Variants in SELENOF observed in about 807,000 individuals in gnomAD.
The protein encoded by SELENOF is selenoprotein F.
Under a neutral mutation model 20.5 loss-of-function variants are expected in SELENOF, and 16 were observed. That is an observed-to-expected ratio of 0.78 (90% CI 0.53 to 1.19). The LOEUF is 1.19. SELENOF is among the 50% of genes most tolerant of loss of function. The pLI is 0.00. For missense variants in SELENOF, 215 were observed against 194.2 expected (o/e 1.11, Z -0.64); for synonymous variants, 78 against 74.5 (o/e 1.05, Z -0.24).
rs201235591 is a variant in SELENOF, at chr1:86,869,662, CTAAT to C, written c.317-1564_317-1561del. 3.8e-3 allele frequency among the ~76,000 whole-genome samples: 584 copies of C among 152,258 alleles called. 4 individuals are homozygous for C. The highest frequency in any genetic ancestry group is 0.02 in the Middle Eastern group (6 of 294). ...TACCAATTTTCAATAATGATCATGC[CTAAT>C]TAATTCAAATTAAAAGGTGTGTAAT... On this transcript the variant is annotated intron_variant, in intron 3 of 4. Coordinates refer to ENST00000331835, the MANE Select transcript of SELENOF (RefSeq NM_004261.5).
At chr1:86,877,073 A>T (rs962276086) in intron 3 of SELENOF, among the ~76,000 whole-genome samples, 1 of 152,246 alleles carries the variant, frequency 6.6e-6, no homozygotes, top group Non-Finnish European at 1.5e-5. Flanking sequence ...GAGCAAATAT[A>T]AGATACAATA....
intron 3 of SELENOF, among the ~76,000 whole-genome samples, chr1:86,879,883 C>G (rs143645314): frequency 2.6e-4 from 39 of 152,262 alleles, no homozygotes; most frequent in African/African-American, 8.9e-4. Context: ...ATACATATGA[C>G]TTTCTCTCTT....
intron 2 of SELENOF, among the ~76,000 whole-genome samples, chr1:86,899,942 C>A (rs1451614939): frequency 6.6e-6 from 1 of 151,754 alleles, no homozygotes; most frequent in Admixed American, 6.6e-5. Flanking sequence ...CTCCTCACAT[C>A]CCACACGGGG....
intron 2 of SELENOF, among the ~76,000 whole-genome samples, chr1:86,901,348 C>T (rs1219308128): frequency 1.3e-5 from 2 of 151,324 alleles, no homozygotes; most frequent in Non-Finnish European, 2.9e-5. Context: ...GAGGATTGCC[C>T]AACATACCAT....
At chr1:86,865,782 A>C (rs928920486) in intron 4 of SELENOF, among the ~76,000 whole-genome samples, 1 of 152,212 alleles carries the variant, frequency 6.6e-6, no homozygotes, top group African/African-American at 2.4e-5. Flanking sequence ...ATATAGACTC[A>C]AAAGAACTAA....
chr1:86,897,381 T>C (rs1659552434), intron 2 of SELENOF, among the ~76,000 whole-genome samples: 1 of 152,272 alleles, frequency 6.6e-6, no homozygotes, highest in South Asian at 2.1e-4. Flanking sequence ...TAAATCAAAG[T>C]ATCCCTAAGT....
At chr1:86,894,310 C>T (rs1010289560) in intron 2 of SELENOF, among the ~76,000 whole-genome samples, 22 of 151,172 alleles carry the variant, frequency 1.5e-4, no homozygotes, top group Admixed American at 9.2e-4. Context: ...GAAATAATTG[C>T]GATTTGTTTG....
At chr1:86,888,066 G>A (rs1180029606) in intron 2 of SELENOF, among the ~76,000 whole-genome samples, 1 of 152,100 alleles carries the variant, frequency 6.6e-6, no homozygotes, top group East Asian at 1.9e-4. Context: ...TTCCAGACCA[G>A]CCTGGCCAAC....
chr1:86,908,236 A>G (rs954464484), intron 1 of SELENOF, among the ~76,000 whole-genome samples: 2 of 152,198 alleles, frequency 1.3e-5, no homozygotes, highest in Non-Finnish European at 2.9e-5. Context: ...GAGGTTTCTC[A>G]TGTAATTCTG....
At chr1:86,880,299 C>A (rs1176524571) in intron 3 of SELENOF, among the ~76,000 whole-genome samples, 1 of 152,078 alleles carries the variant, frequency 6.6e-6, no homozygotes, top group South Asian at 2.1e-4. Context: ...CCGCGCCCAG[C>A]TAATTTTTGT....
chr1:86,884,346 T>TACACACACAC (rs142756978), intron 2 of SELENOF, among the ~76,000 whole-genome samples: 2 of 145,442 alleles, frequency 1.4e-5, no homozygotes, highest in African/African-American at 2.5e-5. Flanking sequence ...CGCACATACA[T>TACACACACAC]ACACACACAC....
At chr1:86,883,477 C>CTAGTGTATAGTGTATGTACACTAAA (rs1659132045) in intron 2 of SELENOF, among the ~76,000 whole-genome samples, 3 of 151,284 alleles carry the variant, frequency 2.0e-5, no homozygotes, top group Non-Finnish European at 2.9e-5. Context: ...TGTATGTACA[C>CTAGTGTATAGTGTATGTACACTAAA]TAGTGTATAG....
rs888381483 is a variant in SELENOF at position 86,862,886 on chromosome 1, G to C, written c.*588C>G. 1 of 152,590 alleles carries C rather than the reference G, an allele frequency of 6.6e-6. No homozygotes were observed. Among genetic ancestry groups the C allele is most frequent in the Non-Finnish European group, 1.5e-5 (1 of 68,032 alleles). 9.5% of individuals were successfully genotyped at this position (152,590 alleles called of 1,614,324 possible). On this transcript the variant is annotated 3_prime_UTR_variant, in exon 5 of 5. Coordinates refer to ENST00000331835, the MANE Select transcript of SELENOF (RefSeq NM_004261.5). ...AGTCTTCATTAACGCAAATCTTTGT[G>C]AATGTTTCACTCTTACTGTAGGATC...
intron 2 of SELENOF, among the ~76,000 whole-genome samples, chr1:86,899,817 C>T (rs1165857872): frequency 4.5e-4 from 67 of 149,964 alleles, no homozygotes; most frequent in African/African-American, 1.6e-3. Context: ...CGGAGGGGCT[C>T]CTCACTTCTC....
chr1:86,894,866 A>C (rs901897207), intron 2 of SELENOF, among the ~76,000 whole-genome samples: 27 of 151,976 alleles, frequency 1.8e-4, no homozygotes, highest in Admixed American at 4.6e-4. Context: ...ACAACAACAA[A>C]CAAACAAAAA....
At chr1:86,868,194 C>T in intron 3 of SELENOF, 92 bp from the exon 4 acceptor site, 1 of 600,020 alleles carries the variant, frequency 1.7e-6, no homozygotes, top group Non-Finnish European at 2.9e-6. Context: ...AACAACAAAT[C>T]AAACATTATA....
rs183884129 is a variant in SELENOF, at chr1:86,911,310, C to G, written c.84+2718G>C. On this transcript the variant is annotated intron_variant, in intron 1 of 4. Transcript: ENST00000331835. ...GAGAAAGGGAGGAAAGGATGAGACG[C>G]TGGGAAGCGGCTTGTAGGTAATGAA... Among the ~76,000 whole-genome samples, 34 of 152,290 alleles carry G rather than the reference C, an allele frequency of 2.2e-4. 2 individuals are homozygous for G. Among genetic ancestry groups the G allele is most frequent in the Admixed American group, 2.2e-3 (34 of 15,304 alleles).
At chr1:86,864,862 G>A (rs992213869) in intron 4 of SELENOF, among the ~76,000 whole-genome samples, 1 of 151,972 alleles carries the variant, frequency 6.6e-6, no homozygotes, top group African/African-American at 2.4e-5. Flanking sequence ...TCGAACTCCT[G>A]ACCTCAGGTT....
intron 1 of SELENOF, among the ~76,000 whole-genome samples, chr1:86,904,047 T>C (rs962475452): frequency 2.6e-5 from 4 of 152,230 alleles, no homozygotes; most frequent in African/African-American, 9.6e-5. Context: ...AATATTTTCT[T>C]AAAGATTTAT....
Sources: gnomAD v4.1 joint callset for allele counts (sites outside exome capture counted in the v4.1 genomes callset) on GRCh38, gnomAD v4.1.1 for gene constraint, MANE v1.5 for transcripts, NCBI Gene and HGNC (gene_info 2026-07-23, HGNC 2026-07-21) for gene names.